Variants in TLL1 observed in about 807,000 individuals in gnomAD.
TLL1 encodes tolloid like 1.
TLL1 carries 49 observed loss-of-function variants against 128.2 expected under a neutral mutation model. That is an observed-to-expected ratio of 0.38 (90% CI 0.30 to 0.48). TLL1 has a LOEUF of 0.48. TLL1 is among the 20% of genes least tolerant of loss of function. The pLI is 0.96. For missense variants in TLL1, 1,123 were observed against 1,242.0 expected, an observed-to-expected ratio of 0.90 and a Z score of 1.44; for synonymous variants, 454 against 418.8, an observed-to-expected ratio of 1.08 and a Z score of -1.03.
intron 1 of TLL1, among the ~76,000 whole-genome samples, chr4:165,932,782 T>C (rs1380920455): frequency 6.6e-6 from 1 of 152,158 alleles, no homozygotes; most frequent in East Asian, 1.9e-4. Flanking sequence ...GCCTTCTATT[T>C]TATATGCATT....
At chr4:166,084,114 T>C (rs1341357853) in intron 18 of TLL1, among the ~76,000 whole-genome samples, 3 of 152,172 alleles carry the variant, frequency 2.0e-5, no homozygotes, top group Non-Finnish European at 4.4e-5. Context: ...ATTTTGGTTT[T>C]GATTTGCATT....
intron 1 of TLL1, among the ~76,000 whole-genome samples, chr4:165,953,501 G>A (rs1001675347): frequency 6.6e-6 from 1 of 150,928 alleles, no homozygotes; most frequent in Non-Finnish European, 1.5e-5. Flanking sequence ...GCATCCAGCT[G>A]GTTTTGTTGT....
intron 1 of TLL1, among the ~76,000 whole-genome samples, chr4:165,929,147 CT>C (rs1281274454): frequency 9.9e-5 from 15 of 152,148 alleles, no homozygotes; most frequent in Non-Finnish European, 1.9e-4. Context: ...TCAAATGCTG[CT>C]CAGCATTGTT....
intron 16 of TLL1, among the ~76,000 whole-genome samples, chr4:166,069,422 T>G: frequency 6.6e-6 from 1 of 151,680 alleles, no homozygotes; most frequent in East Asian, 1.9e-4. Flanking sequence ...AACTCAATAA[T>G]AGTAAAAAAT....
intron 9 of TLL1, among the ~76,000 whole-genome samples, chr4:166,034,764 T>C (rs1350627906): frequency 6.6e-6 from 1 of 152,154 alleles, no homozygotes; most frequent in Non-Finnish European, 1.5e-5. Context: ...TCTGAGTCCA[T>C]TAATGCCTCT....
At chr4:166,008,525 A>G (rs1737540935) in intron 7 of TLL1, among the ~76,000 whole-genome samples, 1 of 151,688 alleles carries the variant, frequency 6.6e-6, no homozygotes, top group African/African-American at 2.4e-5. Context: ...TCAAAAATTG[A>G]TATTACTAAA....
chr4:166,028,113 T>G (rs114187683), intron 9 of TLL1, among the ~76,000 whole-genome samples: 2,741 of 152,118 alleles, frequency 0.018, 89 homozygotes, highest in African/African-American at 0.061. Context: ...GTTTTTTTTC[T>G]TACTTCTTGA....
intron 1 of TLL1, among the ~76,000 whole-genome samples, chr4:165,944,096 C>A (rs73860897): frequency 0.027 from 4,080 of 152,076 alleles, 175 homozygotes; most frequent in African/African-American, 0.09. Flanking sequence ...TTGGTACTTC[C>A]AACAGCTGGT....
chr4:166,042,007 T>C lies in TLL1; in HGVS notation c.1262-20T>C, dbSNP rs762043012. On this transcript the variant is annotated intron_variant, in intron 10 of 20. Coordinates refer to ENST00000061240, the MANE Select transcript of TLL1 (RefSeq NM_012464.5). ...AGAGTCCTATTTAGGAGTTTCTCTT[T>C]ATTCTTTTATTTCTTTTAGGTAGAT... 1.3e-6 allele frequency: 2 copies of C among 1,548,442 alleles called. No homozygotes were observed. The highest frequency in any genetic ancestry group is 1.4e-5 in the African/African-American group (1 of 73,478).
At chr4:166,074,793 G>GTGT in intron 16 of TLL1, 85 bp from the exon 17 acceptor site, 1 of 1,540,666 alleles carries the variant, frequency 6.5e-7, no homozygotes, top group Non-Finnish European at 8.9e-7. Flanking sequence ...CCCTTTGGCA[G>GTGT]TGTTAACCAC....
chr4:165,978,442 G>T (rs1049943361), intron 1 of TLL1, among the ~76,000 whole-genome samples: 5 of 151,878 alleles, frequency 3.3e-5, no homozygotes, highest in Middle Eastern at 3.2e-3. Context: ...AAAAATGTGG[G>T]TTCTTAAAGA....
chr4:165,944,856 A>C (rs907903482), intron 1 of TLL1, among the ~76,000 whole-genome samples: 1 of 152,172 alleles, frequency 6.6e-6, no homozygotes, highest in African/African-American at 2.4e-5. Flanking sequence ...TAGATATGCT[A>C]TGTGGAAGAT....
At chr4:165,958,679 G>A (rs1579543673) in intron 1 of TLL1, among the ~76,000 whole-genome samples, 1 of 139,006 alleles carries the variant, frequency 7.2e-6, no homozygotes, top group African/African-American at 2.9e-5. Context: ...CACTCTGATG[G>A]TAGTTTCTTT....
At chr4:166,058,913 A>T (rs887078631) in intron 14 of TLL1, among the ~76,000 whole-genome samples, 1 of 151,648 alleles carries the variant, frequency 6.6e-6, no homozygotes, top group Non-Finnish European at 1.5e-5. Flanking sequence ...AAAATCAGAG[A>T]CTCCCTGTTT....
chr4:166,001,225 T>A (rs951055316), intron 5 of TLL1, among the ~76,000 whole-genome samples: 7 of 152,214 alleles, frequency 4.6e-5, no homozygotes, highest in Non-Finnish European at 1.0e-4. Flanking sequence ...TGATCCCAAC[T>A]ATTCAAAGCC....
chr4:165,891,205 A>G (rs1731387141), intron 1 of TLL1, among the ~76,000 whole-genome samples: 1 of 152,078 alleles, frequency 6.6e-6, no homozygotes, highest in Non-Finnish European at 1.5e-5. Context: ...CTGGCTTGTG[A>G]TGGGAGGGGC....
At chr4:165,961,383 G>A (rs1261837314) in intron 1 of TLL1, among the ~76,000 whole-genome samples, 2 of 152,088 alleles carry the variant, frequency 1.3e-5, no homozygotes, top group African/African-American at 2.4e-5. Context: ...TTCTTAAAAT[G>A]GCCATACTGC....
At chr4:166,070,163 A>G (rs1482941564) in intron 16 of TLL1, among the ~76,000 whole-genome samples, 1 of 151,866 alleles carries the variant, frequency 6.6e-6, no homozygotes, top group Non-Finnish European at 1.5e-5. Flanking sequence ...GTAAAAGCAA[A>G]CTTAATTTTA....
chr4:165,911,547 G>A (rs919700693), intron 1 of TLL1, among the ~76,000 whole-genome samples: 4 of 152,052 alleles, frequency 2.6e-5, no homozygotes, highest in East Asian at 1.9e-4. Context: ...GGTGGTAAAC[G>A]ACTTCCTTGA....
Sources: allele counts gnomAD v4.1 joint callset (sites outside exome capture counted in the v4.1 genomes callset), GRCh38; gene constraint gnomAD v4.1.1; transcripts MANE v1.5; gene names NCBI Gene and HGNC (gene_info 2026-07-23, HGNC 2026-07-21).